TBPL2: variants seen among roughly 807,000 people sequenced by gnomAD.
The protein encoded by TBPL2 is TATA-box binding protein like 2.
In TBPL2, 40 loss-of-function variants were observed where a neutral mutation model predicts 38.2. The ratio of observed to expected loss-of-function variants is 1.05; its 90% CI spans 0.81 to 1.36. The LOEUF is 1.36. TBPL2 is among the 40% of genes most tolerant of loss of function. The pLI is 0.00. For missense variants in TBPL2, 461 were observed against 456.7 expected (o/e 1.01, Z -0.09); for synonymous variants, 169 against 171.7 (o/e 0.98, Z 0.12).
At chr14:55,424,109 C>T (rs1415638680) in intron 6 of TBPL2, 50 bp downstream of exon 6, 2 of 1,290,436 alleles carry the variant, frequency 1.5e-6, no homozygotes, top group Non-Finnish European at 2.2e-6. Context: ...AAGCAAAGCA[C>T]ATGCATAGCA....
intron 6 of TBPL2, among the ~76,000 whole-genome samples, chr14:55,415,071 A>C (rs1430172235): frequency 6.6e-6 from 1 of 152,220 alleles, no homozygotes; most frequent in Non-Finnish European, 1.5e-5. Flanking sequence ...ACCATTGAGA[A>C]GTATTAGTCC....
At chr14:55,415,525 C>T (rs1288113704) in intron 6 of TBPL2, among the ~76,000 whole-genome samples, 1 of 152,094 alleles carries the variant, frequency 6.6e-6, no homozygotes, top group Non-Finnish European at 1.5e-5. Context: ...TTCACACTTG[C>T]CAAAAGGTGG....
intron 4 of TBPL2, among the ~76,000 whole-genome samples, chr14:55,433,249 T>G: frequency 6.6e-6 from 1 of 151,738 alleles, no homozygotes; most frequent in Non-Finnish European, 1.5e-5. Flanking sequence ...CCACCTCAGC[T>G]TCCCAAGTAG....
intron 4 of TBPL2, among the ~76,000 whole-genome samples, chr14:55,433,175 C>G (rs1395235713): frequency 6.6e-5 from 10 of 152,100 alleles, no homozygotes; most frequent in Non-Finnish European, 1.3e-4. Context: ...GTAACTCAGA[C>G]TGGACTGCAG....
At chr14:55,437,771 G>T (rs1425397430) in intron 1 of TBPL2, among the ~76,000 whole-genome samples, 2 of 152,250 alleles carry the variant, frequency 1.3e-5, no homozygotes, top group South Asian at 2.1e-4. Flanking sequence ...AATGAAGGAA[G>T]TTTAAGATAT....
chr14:55,424,111 T>G (rs1249529323), intron 6 of TBPL2, 48 bp downstream of exon 6: 1 of 1,328,436 alleles, frequency 7.5e-7, no homozygotes, highest in Admixed American at 1.7e-5. Context: ...GCAAAGCACA[T>G]GCATAGCAAT....
At chr14:55,436,037 C>T (rs1886007993) in intron 2 of TBPL2, 103 bp from the exon 3 acceptor site, 2 of 642,284 alleles carry the variant, frequency 3.1e-6, no homozygotes. Context: ...TTAGCAATTT[C>T]CTAGGGGGAG....
At chr14:55,426,621 G>C (rs1458201405) in intron 5 of TBPL2, among the ~76,000 whole-genome samples, 1 of 152,044 alleles carries the variant, frequency 6.6e-6, no homozygotes, top group Non-Finnish European at 1.5e-5. Context: ...ATAACCTGAG[G>C]CTGACAGCCG....
chr14:55,424,357 A>G (rs1885788938), intron 5 of TBPL2, 104 bp from the exon 6 acceptor site: 7 of 675,252 alleles, frequency 1.0e-5, no homozygotes, highest in Non-Finnish European at 1.8e-5. Flanking sequence ...GCAGTTGTAA[A>G]TAAGTTAGCT....
intron 1 of TBPL2, 51 bp downstream of exon 1, chr14:55,440,345 G>A (rs770983939): frequency 6.2e-6 from 10 of 1,609,066 alleles, no homozygotes; most frequent in African/African-American, 1.3e-5. Context: ...CCTTGGCACA[G>A]GACCGGGCGG....
At chr14:55,431,808 T>C (rs1285951371) in intron 4 of TBPL2, among the ~76,000 whole-genome samples, 1 of 152,228 alleles carries the variant, frequency 6.6e-6, no homozygotes, top group Non-Finnish European at 1.5e-5. Context: ...TTAATATAAA[T>C]TCAGTCCCTC....
intron 6 of TBPL2, 110 bp downstream of exon 6, chr14:55,424,049 T>C: frequency 1.4e-6 from 1 of 702,038 alleles, no homozygotes; most frequent in Admixed American, 2.6e-5. Context: ...CCAGGTATTC[T>C]GTATAACAAG....
At chr14:55,437,301 A>AT (rs1416591954) in intron 1 of TBPL2, among the ~76,000 whole-genome samples, 1 of 152,222 alleles carries the variant, frequency 6.6e-6, no homozygotes, top group Non-Finnish European at 1.5e-5. Context: ...AATGTGGTGA[A>AT]ACCACGTCTC....
At chr14:55,438,095 G>A (rs1022765074) in intron 1 of TBPL2, among the ~76,000 whole-genome samples, 5 of 152,078 alleles carry the variant, frequency 3.3e-5, no homozygotes, top group Non-Finnish European at 5.9e-5. Flanking sequence ...CTCAAGTTAC[G>A]GGCCTGGACT....
intron 6 of TBPL2, among the ~76,000 whole-genome samples, chr14:55,420,335 C>T (rs951344375): frequency 2.6e-5 from 4 of 152,182 alleles, no homozygotes; most frequent in East Asian, 1.9e-4. Context: ...GTGAGCACAA[C>T]GCCTAGCCAG....
intron 5 of TBPL2, among the ~76,000 whole-genome samples, chr14:55,428,322 G>C (rs1019992133): frequency 6.6e-6 from 1 of 151,584 alleles, no homozygotes; most frequent in African/African-American, 2.4e-5. Flanking sequence ...GTAGAGACAG[G>C]GTTTCACCGT....
In TBPL2 at chr14:55,440,535, G is replaced by A. The variant is rs201719021; in HGVS notation, c.11C>T (p.Ala4Val). ...CCTCGGAACCCGCTCCGGCCAGGGC[G>A]CAGAGGCCATTTATGAGCCTGGGGG... The change falls in exon 1 of 7, where the codon GCG becomes GTG. Residue 4 changes from alanine to valine, a missense_variant. Transcript: ENST00000247219. 5 of 1,604,014 alleles carry A rather than the reference G, an allele frequency of 3.1e-6. No homozygotes were observed. The East Asian group carries it at 6.7e-5, about 22-fold the overall frequency.
intron 4 of TBPL2, among the ~76,000 whole-genome samples, chr14:55,431,254 A>G (rs966803386): frequency 1.3e-5 from 2 of 152,260 alleles, no homozygotes; most frequent in African/African-American, 4.8e-5. Flanking sequence ...GATAAAAAGT[A>G]TCTCTTATTA....
At chr14:55,434,841 T>C (rs1885988137) in intron 3 of TBPL2, among the ~76,000 whole-genome samples, 1 of 152,212 alleles carries the variant, frequency 6.6e-6, no homozygotes. Context: ...TTCCTACGAA[T>C]GTGACCTTTT....
Sources: allele counts gnomAD v4.1 joint callset (sites outside exome capture counted in the v4.1 genomes callset), GRCh38; gene constraint gnomAD v4.1.1; transcripts MANE v1.5; gene names NCBI Gene and HGNC (gene_info 2026-07-23, HGNC 2026-07-21).